Variants in SBF1 observed in about 807,000 individuals in gnomAD.
The protein encoded by SBF1 is SET binding factor 1.
Under a neutral mutation model 215.8 loss-of-function variants are expected in SBF1, and 65 were observed. That is an observed-to-expected ratio of 0.30 (90% CI 0.25 to 0.37). SBF1 has a LOEUF of 0.37. SBF1 is among the 10% of genes least tolerant of loss of function. The pLI, the probability that SBF1 is intolerant of heterozygous loss-of-function variation, is 1.00. For synonymous variants in SBF1, 1,410 were observed against 1,122.8 expected (o/e 1.26, Z -5.11); for missense variants, 2,634 against 2,667.8 (o/e 0.99, Z 0.28).
rs2067169559 is a variant in SBF1 at position 50,454,505 on chromosome 22, C to T, written c.5043+7G>A. ...CAGGCCAGACCCTGCTCTGGGATCACACGCACCTCCAGCAGGCGTGAGATG... is the reference window on the plus strand; with the variant it reads ...CAGGCCAGACCCTGCTCTGGGATCATACGCACCTCCAGCAGGCGTGAGATG... On this transcript the variant is annotated splice_region_variant and intron_variant, in intron 36 of 40. Coordinates refer to ENST00000380817, the MANE Select transcript of SBF1 (RefSeq NM_002972.4). 1.2e-6 allele frequency: 2 copies of T among 1,606,618 alleles called. No individual in the cohort carries two copies.
Position 50,455,286 on chromosome 22 carries a change from G to C in SBF1, c.4492C>G (p.Leu1498Val). The change falls in exon 33 of 41, where the codon CTG becomes GTG. Residue 1498 changes from leucine (L) to valine (V), a missense_variant. Leu to Val is a conservative substitution (Grantham distance 32, BLOSUM62 1). Coordinates refer to ENST00000380817, the MANE Select transcript of SBF1 (RefSeq NM_002972.4). ...GTGAAGCCGCTGCTCTGCCCGGCCA[G>C]GGTGTGAGCTCCACGGTGGCTGAAG... is the stretch of plus-strand genomic sequence containing the variant. ...HRFSHRGAHT[L>V]AGQSSGFTPV... The C allele has an allele frequency of 1.2e-6, 2 of 1,613,516 alleles. No individual in the cohort carries two copies. The highest frequency in any genetic ancestry group is 1.7e-6 in the Non-Finnish European group (2 of 1,179,920).
At chr22:50,452,984 G>GA (rs1482789513) in intron 36 of SBF1, among the ~76,000 whole-genome samples, 1 of 145,436 alleles carries the variant, frequency 6.9e-6, no homozygotes, top group South Asian at 2.2e-4. Flanking sequence ...AAAAAGAAAA[G>GA]AAAGAAAGGA....
chr22:50,459,835 G>A (rs913697580), intron 26 of SBF1, 117 bp downstream of exon 26: 132 of 1,391,408 alleles, frequency 9.5e-5, no homozygotes, highest in Non-Finnish European at 1.1e-4. Flanking sequence ...CCCTCTGCCC[G>A]GAGTCTCCCC....
intron 30 of SBF1, 30 bp downstream of exon 30, chr22:50,456,462 C>T: frequency 3.0e-6 from 4 of 1,348,686 alleles, no homozygotes; most frequent in Non-Finnish European, 4.0e-6. Context: ...AGCCCCCACC[C>T]TCACCCCCCA....
rs368118073 is a variant in SBF1, at chr22:50,462,257, G to A, written c.2344C>T (p.Arg782Cys). The change falls in exon 19 of 41, where the codon CGT (arginine) becomes TGT (cysteine). Residue 782 changes from arginine to cysteine, a missense_variant. Coordinates refer to ENST00000380817, the MANE Select transcript of SBF1 (RefSeq NM_002972.4). ...DSSKSRLLRE[R>C]AGLGDLESAS... ...CTCTCCAGGTCGCCCAGCCCGGCAC[G>A]CTCCCGAAGTAGGCGGCTCTTGCTG... is the stretch of plus-strand genomic sequence containing the variant. 88 of 1,610,458 alleles carry A rather than the reference G, an allele frequency of 5.5e-5. No individual in the cohort carries two copies. The highest frequency in any genetic ancestry group is 6.4e-5 in the Non-Finnish European group (75 of 1,179,980).
At position 50,468,380 on chromosome 22, in the gene SBF1, T is replaced by C. The variant is rs2067868832; in HGVS notation, c.137A>G (p.Glu46Gly). The C allele has an allele frequency of 6.2e-7, 1 of 1,612,388 alleles. No individual in the cohort carries two copies. The highest frequency in any genetic ancestry group is 1.1e-5 in the South Asian group (1 of 90,960). ...WEDNPFPQGIELFCQPSGWQL... is the reference protein window; with the variant it reads ...WEDNPFPQGIGLFCQPSGWQL... ...CTCAGCACGCCCCCAACTCACCAGCTCGATGCCCTGGGGGAATGGGTTGTC... is the reference window on the plus strand; with the variant it reads ...CTCAGCACGCCCCCAACTCACCAGCCCGATGCCCTGGGGGAATGGGTTGTC... Residue 46 changes from glutamate to glycine, a missense_variant, in exon 2 of 41, where the codon GAG (glutamate) becomes GGG (glycine). Transcript: ENST00000380817.
rs1325501598 is a variant in SBF1 at position 50,456,484 on chromosome 22, CCA to C, written c.4086+6_4086+7del. 22 of 1,531,990 alleles carry C rather than the reference CCA, an allele frequency of 1.4e-5. No homozygotes were observed. Among genetic ancestry groups the C allele is most frequent in the African/African-American group, 2.8e-5 (2 of 71,468 alleles). The allele number at this position is 1,531,990 out of a possible 1,614,324, so 94.9% of individuals were successfully genotyped here. A position where few individuals can be genotyped will look rare whatever the true frequency, so the allele number is the denominator to read the frequency against. On this transcript the variant is annotated splice_donor_region_variant and intron_variant, in intron 30 of 40. Coordinates refer to ENST00000380817, the MANE Select transcript of SBF1 (RefSeq NM_002972.4). ...ACCCTCACCCCCCACCCCCCGCACC[CCA>C]GTCACCTTGAGCTGGGCTTTGTCCC...
chr22:50,474,700 C>T, intron 1 of SBF1, 86 bp downstream of exon 1: 2 of 1,197,432 alleles, frequency 1.7e-6, no homozygotes, highest in Non-Finnish European at 1.1e-6. Flanking sequence ...CCCCCAGCCC[C>T]CGGCCCTCGA....
intron 1 of SBF1, among the ~76,000 whole-genome samples, chr22:50,470,247 G>A (rs2067949502): frequency 6.6e-6 from 1 of 152,150 alleles, no homozygotes; most frequent in African/African-American, 2.4e-5. Context: ...GCAGGTGGAG[G>A]AAGGAAGAGG....
Position 50,456,691 on chromosome 22 carries a change from G to T in SBF1, c.3905-18C>A. On this transcript the variant is annotated intron_variant, in intron 29 of 40. Transcript: ENST00000380817. ...CCACTTACCTGTGAAGGAGATGCCA[G>T]GTAAGCACCCAAAGGGGGCCAGGGC... 6.9e-7 allele frequency: 1 copy of T among 1,457,874 alleles called. No individual in the cohort carries two copies. The highest frequency in any genetic ancestry group is 9.1e-7 in the Non-Finnish European group (1 of 1,102,362). The allele number at this position is 1,457,874 out of a possible 1,614,324, so 90.3% of individuals were successfully genotyped here. A position where few individuals can be genotyped will look rare whatever the true frequency, so the allele number is the denominator to read the frequency against.
intron 10 of SBF1, 34 bp from the exon 11 acceptor site, chr22:50,465,362 T>C (rs748773470): frequency 2.0e-6 from 3 of 1,524,132 alleles, no homozygotes; most frequent in Non-Finnish European, 2.7e-6. Flanking sequence ...TGAGAGCCAG[T>C]CCTGCCAATC....
rs923167352 is a variant in SBF1 at position 50,446,731 on chromosome 22, G to C, written c.*411C>G. 2 of 462,718 alleles carry C rather than the reference G, an allele frequency of 4.3e-6. No homozygotes were observed. Among genetic ancestry groups the C allele is most frequent in the African/African-American group, 3.9e-5 (2 of 50,842 alleles). 28.7% of individuals were successfully genotyped at this position (462,718 alleles called of 1,614,324 possible). A position where few individuals can be genotyped will look rare whatever the true frequency, so the allele number is the denominator to read the frequency against. On this transcript the variant is annotated 3_prime_UTR_variant, in exon 41 of 41. Coordinates refer to ENST00000380817, the MANE Select transcript of SBF1 (RefSeq NM_002972.4). The stretch of plus-strand genomic sequence containing the variant: ...GCCAACCTCCCGCCAGGTGGGCCTG[G>C]ATAGGGGCAGATGGGACCCTCTGGG...
chr22:50,452,242 C>G (rs1051090819), intron 36 of SBF1, among the ~76,000 whole-genome samples: 7 of 148,460 alleles, frequency 4.7e-5, no homozygotes, highest in African/African-American at 1.8e-4. Context: ...TTCAGATAAA[C>G]AAAAGCTGAG....
chr22:50,455,172 C>G (rs1267622198), intron 33 of SBF1, 30 bp from the exon 34 acceptor site: 1 of 1,613,932 alleles, frequency 6.2e-7, no homozygotes, highest in Non-Finnish European at 8.5e-7. Flanking sequence ...GGGGCCAGGG[C>G]TCAGCGGTCA....
At chr22:50,454,793 C>A in intron 35 of SBF1, 21 bp downstream of exon 35, 1 of 1,611,934 alleles carries the variant, frequency 6.2e-7, no homozygotes. Context: ...AGCCGCCTAC[C>A]CGACCCAGGC....
Position 50,462,733 on chromosome 22 carries a change from GAGA to G in SBF1, c.1969-19_1969-17del. On this transcript the variant is annotated splice_polypyrimidine_tract_variant and intron_variant, in intron 17 of 40. Transcript: ENST00000380817. Reference sequence around the variant, plus strand: ...GGCTCAGCTTCTGCAGGAGCCAGGGGAGAAGGTCAGCTGGATGCAGCCAGGAAG... The same window carrying G: ...GGCTCAGCTTCTGCAGGAGCCAGGGGAGGTCAGCTGGATGCAGCCAGGAAG... 5 of 1,610,798 alleles carry G rather than the reference GAGA, an allele frequency of 3.1e-6. No homozygotes were observed. Among genetic ancestry groups the G allele is most frequent in the African/African-American group, 1.3e-5 (1 of 75,022 alleles).
chr22:50,446,810 G>A lies in SBF1; in HGVS notation c.*332C>T, dbSNP rs539950812. 4.5e-5 allele frequency: 29 copies of A among 647,846 alleles called. No homozygotes were observed. Among genetic ancestry groups the A allele is most frequent in the Middle Eastern group, 2.6e-4 (1 of 3,904 alleles). 40.1% of individuals were successfully genotyped at this position (647,846 alleles called of 1,614,324 possible). A position where few individuals can be genotyped will look rare whatever the true frequency, so the allele number is the denominator to read the frequency against. ...GGGAAGGCAGGCACAGGAGCGTGGC[G>A]TTAGTTCTCTCTTTATATAGACTCT... On this transcript the variant is annotated 3_prime_UTR_variant, in exon 41 of 41. Transcript: ENST00000380817.
At chr22:50,459,436 G>A (rs2067404988) in intron 27 of SBF1, 34 bp downstream of exon 27, 3 of 1,611,998 alleles carry the variant, frequency 1.9e-6, no homozygotes, top group African/African-American at 2.7e-5. Context: ...GTGAGATAGG[G>A]CAGGGCAGGC....
chr22:50,455,454 C>A (rs374916413), intron 32 of SBF1, 27 bp downstream of exon 32: 91 of 1,611,888 alleles, frequency 5.6e-5, no homozygotes, highest in Non-Finnish European at 7.5e-5. Flanking sequence ...GGGAGCCTGG[C>A]CCACCCCAGC....
Sources: allele counts gnomAD v4.1 joint callset (sites outside exome capture counted in the v4.1 genomes callset), GRCh38; gene constraint gnomAD v4.1.1; transcripts MANE v1.5; gene names NCBI Gene and HGNC (gene_info 2026-07-23, HGNC 2026-07-21).